The following RBPJ variants were observed in gnomAD, a reference collection of about 807,000 sequenced individuals.
The protein encoded by RBPJ is recombination signal binding protein for immunoglobulin kappa J region.
RBPJ carries 9 observed loss-of-function variants against 67.8 expected under a neutral mutation model. The observed-to-expected ratio is 0.13, with a 90% CI of 0.08 to 0.23. The LOEUF is 0.23. RBPJ is among the 10% of genes least tolerant of loss of function. The pLI, the probability that RBPJ is intolerant of heterozygous loss-of-function variation, is 1.00. For missense variants in RBPJ, 305 were observed against 595.6 expected (o/e 0.51, Z 5.08); for synonymous variants, 198 against 203.3 (o/e 0.97, Z 0.22).
chr4:26,318,680 G>A (rs1036071104), upstream of RBPJ, among the ~76,000 whole-genome samples: 1 of 151,876 alleles, frequency 6.6e-6, no homozygotes, highest in Non-Finnish European at 1.5e-5. Flanking sequence ...CAGCTCACAG[G>A]GCCAGCGGGT....
At chr4:26,419,124 A>G (rs1734878570) in intron 4 of RBPJ, among the ~76,000 whole-genome samples, 1 of 152,076 alleles carries the variant, frequency 6.6e-6, no homozygotes. Context: ...GACTACAGGC[A>G]TGCACCACCA....
intron 1 of RBPJ, among the ~76,000 whole-genome samples, chr4:26,262,236 T>C (rs1263110648): frequency 6.6e-6 from 1 of 151,870 alleles, no homozygotes; most frequent in Non-Finnish European, 1.5e-5. Context: ...TGAGCCACCA[T>C]GTACAGCCTA....
chr4:26,336,858 A>C (rs958659581), intron 1 of RBPJ, among the ~76,000 whole-genome samples: 9 of 152,324 alleles, frequency 5.9e-5, no homozygotes, highest in African/African-American at 2.2e-4. Context: ...TTATCCTTTC[A>C]AAGTTAAAAA....
chr4:26,150,826 G>A, the RBPJ span, among the ~76,000 whole-genome samples: 1 of 152,180 alleles, frequency 6.6e-6, no homozygotes, highest in Non-Finnish European at 1.5e-5. Context: ...CCTGAGCCAT[G>A]TTTACACTAG....
At chr4:26,413,926 A>T (rs1228800750) in intron 3 of RBPJ, among the ~76,000 whole-genome samples, 1 of 152,200 alleles carries the variant, frequency 6.6e-6, no homozygotes, top group Non-Finnish European at 1.5e-5. Context: ...CTATTGAACA[A>T]TTGGAGGACG....
chr4:26,224,445 C>T (rs1028813578), intron 1 of RBPJ, among the ~76,000 whole-genome samples: 14 of 152,176 alleles, frequency 9.2e-5, no homozygotes, highest in African/African-American at 3.1e-4. Context: ...GGAACCAGCT[C>T]CCAATATTTC....
Position 26,364,320 on chromosome 4 carries a change from C to T in RBPJ, c.21-22033C>T, listed in dbSNP as rs371581260. Reference sequence around the variant, plus strand: ...ATCTAATCAAGTTCCAAGATAGAATCATCTGCTTATTAGCCAAGGCAATCA... The same window carrying T: ...ATCTAATCAAGTTCCAAGATAGAATTATCTGCTTATTAGCCAAGGCAATCA... On this transcript the variant is annotated intron_variant, in intron 1 of 10. Transcript: ENST00000355476. Among the ~76,000 whole-genome samples, 25 of 152,306 alleles carry T rather than the reference C, an allele frequency of 1.6e-4. No homozygotes were observed. The South Asian group carries it at 5.0e-3, about 30-fold the overall frequency.
chr4:26,361,656 ATATT>A (rs1390714273), intron 1 of RBPJ, among the ~76,000 whole-genome samples: 1 of 152,120 alleles, frequency 6.6e-6, no homozygotes, highest in East Asian at 1.9e-4. Context: ...GTAAATGAAT[ATATT>A]TATTGATCAG....
intron 1 of RBPJ, among the ~76,000 whole-genome samples, chr4:26,248,415 T>C (rs777256169): frequency 1.6e-4 from 25 of 152,236 alleles, no homozygotes; most frequent in Non-Finnish European, 2.6e-4. Context: ...TAAATAAAAA[T>C]AATTCCTTTT....
At chr4:26,422,896 T>A (rs1044760038) in intron 5 of RBPJ, among the ~76,000 whole-genome samples, 20 of 152,322 alleles carry the variant, frequency 1.3e-4, no homozygotes, top group African/African-American at 4.3e-4. Context: ...TAAAATATTT[T>A]AAAAATCAGA....
chr4:26,266,522 C>T (rs1720709127), intron 1 of RBPJ, among the ~76,000 whole-genome samples: 1 of 152,020 alleles, frequency 6.6e-6, no homozygotes, highest in Non-Finnish European at 1.5e-5. Flanking sequence ...TCTCTGTGGC[C>T]TTTTGTCTTA....
chr4:26,424,411 A>G lies in RBPJ; in HGVS notation c.566A>G (p.Tyr189Cys). 1.2e-6 allele frequency: 2 copies of G among 1,614,104 alleles called. No individual in the cohort carries two copies. The highest frequency in any genetic ancestry group is 1.7e-6 in the Non-Finnish European group (2 of 1,179,946). Residue 189 changes from tyrosine to cysteine, a missense_variant, in exon 6 of 11, where the codon TAC (tyrosine) becomes TGC (cysteine). Coordinates refer to ENST00000355476, the MANE Select transcript of RBPJ (RefSeq NM_015874.6). This position sits in a 1 kb window ranked among gnomAD's most constrained non-coding sequence, Gnocchi z 5.3. ...CGATCCCAGACAGTTAGTACCAGAT[A>G]CTTGCATGTAGAAGGAGGTAATTTT... ...RLRSQTVSTR[Y>C]LHVEGGNFHA...
the RBPJ span, among the ~76,000 whole-genome samples, chr4:26,123,207 C>A: frequency 3.9e-5 from 6 of 152,120 alleles, no homozygotes; most frequent in Non-Finnish European, 8.8e-5. Context: ...AGAATACAAA[C>A]CTGGACAGCA....
chr4:26,155,434 CTTT>C, the RBPJ span, among the ~76,000 whole-genome samples: 312 of 131,632 alleles, frequency 2.4e-3, no homozygotes, highest in African/African-American at 8.1e-3. Context: ...CTCTCTCTCT[CTTT>C]TTTTTTTTTT....
At chr4:26,308,052 G>A (rs1473527673) in intron 1 of RBPJ, among the ~76,000 whole-genome samples, 4 of 152,182 alleles carry the variant, frequency 2.6e-5, no homozygotes, top group South Asian at 2.1e-4. Context: ...CTGGGCAGGC[G>A]GATCATGAGG....
intron 1 of RBPJ, among the ~76,000 whole-genome samples, chr4:26,310,761 C>T (rs1722402041): frequency 6.6e-6 from 1 of 151,752 alleles, no homozygotes; most frequent in Non-Finnish European, 1.5e-5. Flanking sequence ...CCTCCGCCTC[C>T]CGGGCTCAAG....
upstream of RBPJ, among the ~76,000 whole-genome samples, chr4:26,161,728 T>G (rs1041244482): frequency 5.3e-5 from 8 of 152,328 alleles, no homozygotes; most frequent in Non-Finnish European, 1.0e-4. Flanking sequence ...GGCCTGAAGC[T>G]GGGGTCCAGG....
At chr4:26,302,122 A>T (rs965309458) in intron 1 of RBPJ, among the ~76,000 whole-genome samples, 1 of 152,150 alleles carries the variant, frequency 6.6e-6, no homozygotes, top group South Asian at 2.1e-4. Context: ...GTATAAAAGG[A>T]CAAAATTTGC....
chr4:26,125,834 C>T, the RBPJ span, among the ~76,000 whole-genome samples: 1 of 151,956 alleles, frequency 6.6e-6, no homozygotes, highest in Non-Finnish European at 1.5e-5. Flanking sequence ...TCTTTAGTTA[C>T]CAGCAGGCAC....
Sources: gnomAD v4.1 joint callset for allele counts (sites outside exome capture counted in the v4.1 genomes callset) on GRCh38, gnomAD v4.1.1 for gene constraint, Gnocchi (gnomAD v3.1) non-coding constraint, MANE v1.5 for transcripts, NCBI Gene and HGNC (gene_info 2026-07-23, HGNC 2026-07-21) for gene names.